ATG2B: variants seen among roughly 807,000 people sequenced by gnomAD.
ATG2B encodes autophagy related 2B, also known as autophagy-related protein 2 homolog B.
In ATG2B, 121 loss-of-function variants were observed where a neutral mutation model predicts 241.3. The ratio of observed to expected loss-of-function variants is 0.50; its 90% CI spans 0.43 to 0.58. ATG2B has a LOEUF of 0.58. ATG2B is among the 20% of genes least tolerant of loss of function. ATG2B has a pLI of 0.00. For synonymous variants in ATG2B, 858 were observed against 876.6 expected, an observed-to-expected ratio of 0.98 and a Z score of 0.37; for missense variants, 2,306 against 2,491.6, an observed-to-expected ratio of 0.93 and a Z score of 1.59.
intron 29 of ATG2B, among the ~76,000 whole-genome samples, chr14:96,308,260 ATATATATATATATATATATATATT>A (rs1887037323): frequency 5.8e-5 from 1 of 17,238 alleles, no homozygotes. Context: ...ATACACACAT[ATATATATATATATATATATATATT>A]TTTTTTTTTT....
At chr14:96,286,786 T>G (rs1255485692) in intron 41 of ATG2B, among the ~76,000 whole-genome samples, 1 of 152,024 alleles carries the variant, frequency 6.6e-6, no homozygotes, top group Non-Finnish European at 1.5e-5. Context: ...TATTATATTA[T>G]TATATTATTG....
chr14:96,337,558 T>C (rs1340537581), intron 6 of ATG2B, among the ~76,000 whole-genome samples: 1 of 152,210 alleles, frequency 6.6e-6, no homozygotes, highest in Non-Finnish European at 1.5e-5. Context: ...AATATGTTTT[T>C]GTATGCTTTG....
intron 34 of ATG2B, among the ~76,000 whole-genome samples, chr14:96,301,455 A>C (rs1044897243): frequency 6.6e-6 from 1 of 152,212 alleles, no homozygotes; most frequent in African/African-American, 2.4e-5. Context: ...CTATGTTTTA[A>C]ACAGATCGCT....
In ATG2B at chr14:96,362,829, G is replaced by A; in HGVS notation, c.148C>T (p.Pro50Ser). 1.9e-6 allele frequency: 3 copies of A among 1,608,994 alleles called. No individual in the cohort carries two copies. The African/African-American group carries it at 4.0e-5, about 21-fold the overall frequency. Reference sequence around the variant, plus strand: ...GCAGCTCTTACCCATTTGTCCAAGGGGACCTGGGCGAGGGACCCGGTGCCT... The same window carrying A: ...GCAGCTCTTACCCATTTGTCCAAGGAGACCTGGGCGAGGGACCCGGTGCCT... ...YQGTGSLAQV[P>S]LDKWCLNEIL... The change falls in exon 1 of 42, where the codon CCC (proline) becomes TCC (serine). Residue 50 changes from proline to serine, a missense_variant. Physicochemically the swap from Pro to Ser is moderately conservative, Grantham distance 74 (BLOSUM62 -1). Around this residue, in one of 2 missense-constraint regions of ATG2B, gnomAD observed 1,927 missense variants for 2,011.2 expected, o/e 0.96. Transcript: ENST00000359933.
chr14:96,361,309 G>T (rs553604684), intron 1 of ATG2B, among the ~76,000 whole-genome samples: 4 of 152,254 alleles, frequency 2.6e-5, no homozygotes, highest in African/African-American at 7.2e-5. Context: ...AACATTAACT[G>T]CCTTTCTTTT....
chr14:96,316,443 C>T, intron 21 of ATG2B, 90 bp downstream of exon 21: 1 of 1,314,648 alleles, frequency 7.6e-7, no homozygotes. Context: ...ATTTCTAATA[C>T]CAAAGTTCTG....
At chr14:96,295,358 A>C in intron 35 of ATG2B, 124 bp downstream of exon 35, 1 of 877,982 alleles carries the variant, frequency 1.1e-6, no homozygotes, top group East Asian at 2.6e-5. Context: ...CAACAAAAAT[A>C]AACACAGAAC....
rs150078371 is a variant in ATG2B at position 96,349,572 on chromosome 14, T to G, written c.163-2231A>C. Among the ~76,000 whole-genome samples, 612 of 152,268 alleles carry G rather than the reference T, an allele frequency of 4.0e-3. 22 individuals carry two copies. The South Asian group carries it at 0.058, about 15-fold the overall frequency. Reference sequence around the variant, plus strand: ...CTGAGGACAGTCACAAGTGGATAAATTTTTGTAACATATTTAGGAAGTAGA... The same window carrying G: ...CTGAGGACAGTCACAAGTGGATAAAGTTTTGTAACATATTTAGGAAGTAGA... On this transcript the variant is annotated intron_variant, in intron 1 of 41. Transcript: ENST00000359933.
chr14:96,340,508 G>T (rs1157794044), intron 6 of ATG2B, among the ~76,000 whole-genome samples: 1 of 152,026 alleles, frequency 6.6e-6, no homozygotes, highest in African/African-American at 2.4e-5. Context: ...ATCTCATGAA[G>T]ATTCCCCTAC....
intron 13 of ATG2B, 56 bp downstream of exon 13, chr14:96,328,618 A>T: frequency 2.6e-6 from 4 of 1,552,332 alleles, no homozygotes; most frequent in Non-Finnish European, 2.6e-6. Context: ...TAATTGTGAC[A>T]AAATATATAT....
intron 12 of ATG2B, 44 bp from the exon 13 acceptor site, chr14:96,328,810 G>A: frequency 7.0e-7 from 1 of 1,429,784 alleles, no homozygotes; most frequent in African/African-American, 1.4e-5. Context: ...TTAATCACAA[G>A]AATTTACAGA....
chr14:96,322,290 T>C (rs775449752), intron 17 of ATG2B, 36 bp from the exon 18 acceptor site: 8 of 1,567,532 alleles, frequency 5.1e-6, no homozygotes, highest in Non-Finnish European at 6.9e-6. Flanking sequence ...AAAAAAGGCA[T>C]CCATGTTTAA....
chr14:96,327,007 G>C (rs1463281720), intron 14 of ATG2B, among the ~76,000 whole-genome samples: 1 of 152,086 alleles, frequency 6.6e-6, no homozygotes, highest in Non-Finnish European at 1.5e-5. Context: ...CTACCCCACA[G>C]AAACTAAAAT....
chr14:96,353,861 A>G (rs1414461556), intron 1 of ATG2B, among the ~76,000 whole-genome samples: 1 of 152,058 alleles, frequency 6.6e-6, no homozygotes, highest in Non-Finnish European at 1.5e-5. Context: ...TGGACACAGG[A>G]GTTCAATGGA....
chr14:96,323,871 T>C, intron 16 of ATG2B, 25 bp downstream of exon 16: 1 of 1,421,712 alleles, frequency 7.0e-7, no homozygotes, highest in Non-Finnish European at 9.8e-7. Context: ...AAAATCCTAT[T>C]AAACCTATGC....
intron 36 of ATG2B, 145 bp from the exon 37 acceptor site, chr14:96,292,243 A>G (rs951487942): frequency 2.0e-6 from 1 of 506,916 alleles, no homozygotes; most frequent in Admixed American, 3.7e-5. Context: ...ATAAAAGAGA[A>G]TGTCTTTTAG....
chr14:96,328,203 T>C, intron 14 of ATG2B, 144 bp downstream of exon 14: 1 of 545,110 alleles, frequency 1.8e-6, no homozygotes, highest in Non-Finnish European at 3.0e-6. Flanking sequence ...ACATAAAAGA[T>C]GTCTCCTTTT....
intron 32 of ATG2B, among the ~76,000 whole-genome samples, chr14:96,303,518 A>C (rs1421072742): frequency 6.6e-6 from 1 of 152,190 alleles, no homozygotes; most frequent in Non-Finnish European, 1.5e-5. Context: ...AAAATATTTC[A>C]GTATTTTGAA....
chr14:96,336,235 G>A (rs1305637683), intron 6 of ATG2B, among the ~76,000 whole-genome samples: 2 of 151,232 alleles, frequency 1.3e-5, no homozygotes, highest in Non-Finnish European at 2.9e-5. Flanking sequence ...ACATCAGAAA[G>A]AGATTAAAGA....
Sources: allele counts gnomAD v4.1 joint callset (sites outside exome capture counted in the v4.1 genomes callset), GRCh38; gene constraint gnomAD v4.1.1; regional missense constraint gnomAD v4.1.1; transcripts MANE v1.5; gene names NCBI Gene and HGNC (gene_info 2026-07-23, HGNC 2026-07-21).